CACNA1A: variants seen among roughly 807,000 people sequenced by gnomAD.
CACNA1A encodes voltage-dependent P/Q-type calcium channel subunit alpha-1A.
Under a neutral mutation model 262.4 loss-of-function variants are expected in CACNA1A, and 57 were observed. The ratio of observed to expected loss-of-function variants is 0.22; its 90% CI spans 0.18 to 0.27. CACNA1A has a LOEUF of 0.27. CACNA1A is among the 10% of genes least tolerant of loss of function. The probability of loss-of-function intolerance (pLI) is 1.00; values close to 1 mark genes in which losing one functional copy is unlikely to be tolerated. For missense variants in CACNA1A, 2,526 were observed against 3,562.8 expected, an observed-to-expected ratio of 0.71 and a Z score of 7.41; for synonymous variants, 1,431 against 1,419.3, an observed-to-expected ratio of 1.01 and a Z score of -0.18.
At chr19:13,447,835 C>T (rs1451875863) in intron 3 of CACNA1A, among the ~76,000 whole-genome samples, 6 of 152,206 alleles carry the variant, frequency 3.9e-5, no homozygotes, top group East Asian at 1.9e-4. Context: ...TTTCCAACTT[C>T]TTCTGCCTGC....
At chr19:13,257,760 G>A (rs1450600735) in intron 27 of CACNA1A, 1 of 410,494 alleles carries the variant, frequency 2.4e-6, no homozygotes, top group African/African-American at 2.0e-5. Context: ...TTTTTGAGAT[G>A]GAGTTTCGCT....
chr19:13,316,935 C>A, intron 11 of CACNA1A, 177 bp downstream of exon 11: 1 of 533,450 alleles, frequency 1.9e-6, no homozygotes, highest in Admixed American at 3.2e-5. Context: ...GAGATGGGTT[C>A]CATTGTCATA....
At chr19:13,492,689 G>A (rs1389945050) in intron 1 of CACNA1A, among the ~76,000 whole-genome samples, 1 of 151,778 alleles carries the variant, frequency 6.6e-6, no homozygotes, top group Non-Finnish European at 1.5e-5. Context: ...TAGGTATATC[G>A]GGGGGAAAAA....
chr19:13,241,388 G>A lies in CACNA1A; in HGVS notation c.4950+3794C>T. ...GGGGCGGGAGGACAGACAGACAGAG[G>A]AGAGCGGAGGGTTGAGGAGAGCGTC... On this transcript the variant is annotated intron_variant, in intron 31 of 46. Coordinates refer to ENST00000360228, the MANE Select transcript of CACNA1A (RefSeq NM_001127222.2). The surrounding 1 kb of genome is among the most constrained non-coding windows in gnomAD (Gnocchi z 4.0). 1.4e-6 allele frequency: 1 copy of A among 706,002 alleles called. No homozygotes were observed. Among genetic ancestry groups the A allele is most frequent in the Admixed American group, 2.0e-5 (1 of 49,804 alleles). 43.7% of individuals were successfully genotyped at this position (706,002 alleles called of 1,614,324 possible).
At chr19:13,431,390 G>T (rs1239159073) in intron 3 of CACNA1A, among the ~76,000 whole-genome samples, 1 of 152,052 alleles carries the variant, frequency 6.6e-6, no homozygotes, top group African/African-American at 2.4e-5. Context: ...TTGGATGCAG[G>T]GGGTGGAGAA....
Position 13,214,137 on chromosome 19 carries a change from T to C in CACNA1A, c.5940+96A>G. 1.0e-6 allele frequency: 1 copy of C among 997,702 alleles called. No individual in the cohort carries two copies. The allele number at this position is 997,702 out of a possible 1,614,324, so 61.8% of individuals were successfully genotyped here. A position where few individuals can be genotyped will look rare whatever the true frequency, so the allele number is the denominator to read the frequency against. On this transcript the variant is annotated intron_variant, in intron 40 of 46. Transcript: ENST00000360228. The surrounding 1 kb of genome is among the most constrained non-coding windows in gnomAD (Gnocchi z 4.1). Reference sequence around the variant, plus strand: ...GCCCCTACTTTTCAGGGACCTGCCCTGGGGCTCAGCCACCCTCATATTCCA... The same window carrying C: ...GCCCCTACTTTTCAGGGACCTGCCCCGGGGCTCAGCCACCCTCATATTCCA...
intron 2 of CACNA1A, 131 bp from the exon 3 acceptor site, chr19:13,453,146 C>T (rs2060945557): frequency 3.5e-6 from 3 of 856,482 alleles, no homozygotes; most frequent in Non-Finnish European, 5.5e-6. Flanking sequence ...CTCACCACCC[C>T]TCACTGCCTC....
chr19:13,283,495 C>T, intron 21 of CACNA1A, 99 bp from the exon 22 acceptor site: 1 of 1,473,416 alleles, frequency 6.8e-7, no homozygotes, highest in South Asian at 1.3e-5. Flanking sequence ...ACTGAGATCT[C>T]CAACCCCCAA....
At position 13,365,561 on chromosome 19, in the gene CACNA1A, AG is replaced by A. The variant is rs1232487372; in HGVS notation, c.632-93del. On this transcript the variant is annotated intron_variant, in intron 4 of 46. Transcript: ENST00000360228. ...CGCCCAGGTCTCTCCCAGACAAAGC[AG>A]GTGTGTTCCTGAGGGAACATTAAGC... The A allele has an allele frequency of 5.0e-6, 6 of 1,200,758 alleles. No individual in the cohort carries two copies. In the African/African-American group the frequency reaches 7.7e-5, roughly 15 times the overall value. 74.4% of individuals were successfully genotyped at this position (1,200,758 alleles called of 1,614,324 possible). A position where few individuals can be genotyped will look rare whatever the true frequency, so the allele number is the denominator to read the frequency against.
chr19:13,491,632 A>G (rs1980892254), intron 1 of CACNA1A, among the ~76,000 whole-genome samples: 1 of 152,050 alleles, frequency 6.6e-6, no homozygotes, highest in Non-Finnish European at 1.5e-5. Context: ...AAGCTTGGAG[A>G]GCTTGCACTA....
chr19:13,212,322 A>T lies in CACNA1A; in HGVS notation c.6189+62T>A. The T allele has an allele frequency of 1.3e-6, 2 of 1,593,894 alleles. No individual in the cohort carries two copies. The highest frequency in any genetic ancestry group is 1.7e-6 in the Non-Finnish European group (2 of 1,164,136). Reference sequence around the variant, plus strand: ...AGGTGTGTGTGTGTGGGGGGCCCAGATCCCTTCCACCTGAACCACCCGGGC... The same window carrying T: ...AGGTGTGTGTGTGTGGGGGGCCCAGTTCCCTTCCACCTGAACCACCCGGGC... On this transcript the variant is annotated intron_variant, in intron 42 of 46. Transcript: ENST00000360228. The surrounding 1 kb of genome is among the most constrained non-coding windows in gnomAD (Gnocchi z 5.6).
Position 13,391,211 on chromosome 19 carries a change from A to G in CACNA1A, c.540-19432T>C, listed in dbSNP as rs545318043. 3.9e-5 allele frequency among the ~76,000 whole-genome samples: 6 copies of G among 152,266 alleles called. No individual in the cohort carries two copies. The East Asian group carries it at 9.7e-4, about 25-fold the overall frequency. ...CAATTGCATCTTTATTTGAACAAAT[A>G]TCTTAGTTTTCATGTAATCATGTCT... On this transcript the variant is annotated intron_variant, in intron 3 of 46. Coordinates refer to ENST00000360228, the MANE Select transcript of CACNA1A (RefSeq NM_001127222.2).
chr19:13,254,265 G>T (rs756395736), intron 29 of CACNA1A, among the ~76,000 whole-genome samples: 2 of 152,122 alleles, frequency 1.3e-5, no homozygotes, highest in Non-Finnish European at 2.9e-5. Context: ...CCAAAGCACA[G>T]GGTGAAAGGT....
intron 3 of CACNA1A, among the ~76,000 whole-genome samples, chr19:13,399,114 T>C (rs1160893068): frequency 1.3e-5 from 2 of 152,140 alleles, no homozygotes; most frequent in Non-Finnish European, 2.9e-5. Context: ...CATTGAGACC[T>C]GGAACTTAGA....
chr19:13,248,948 T>C (rs2056324714), intron 30 of CACNA1A, among the ~76,000 whole-genome samples: 1 of 152,152 alleles, frequency 6.6e-6, no homozygotes, highest in African/African-American at 2.4e-5. Flanking sequence ...ATCATTTAAT[T>C]TTAAGAAATT....
Position 13,506,133 on chromosome 19 carries a change from C to T in CACNA1A, c.92G>A (p.Arg31Gln). The T allele has an allele frequency of 6.3e-7, 1 of 1,593,386 alleles. No individual in the cohort carries two copies. The highest frequency in any genetic ancestry group is 8.5e-7 in the Non-Finnish European group (1 of 1,170,240). The change falls in exon 1 of 47, where the codon CGA becomes CAA. Residue 31 changes from arginine (R) to glutamine (Q), a missense_variant. Around this residue, in one of 17 missense-constraint regions of CACNA1A, gnomAD observed 65 missense variants for 75.6 expected, o/e 0.86. Transcript: ENST00000360228. ...GCCCTGCCGGCTGCCCCCGGCTCCTCGCCCGCCTCCGCTGCCCACGACCAC... is the reference window on the plus strand; with the variant it reads ...GCCCTGCCGGCTGCCCCCGGCTCCTTGCCCGCCTCCGCTGCCCACGACCAC... ...AGVVVGSGGG[R>Q]GAGGSRQGGQ...
At chr19:13,501,485 G>A (rs1408035245) in intron 1 of CACNA1A, among the ~76,000 whole-genome samples, 1 of 151,988 alleles carries the variant, frequency 6.6e-6, no homozygotes, top group Non-Finnish European at 1.5e-5. Context: ...CTATAAACCT[G>A]ATTTTTAAGG....
intron 3 of CACNA1A, among the ~76,000 whole-genome samples, chr19:13,382,864 G>A (rs142761274): frequency 3.9e-5 from 6 of 152,152 alleles, no homozygotes; most frequent in Non-Finnish European, 7.4e-5. Context: ...GCATCCCAGC[G>A]GTTGGCAGTT....
At position 13,318,549 on chromosome 19, in the gene CACNA1A, G is replaced by A. The variant is rs117286755; in HGVS notation, c.1346-1228C>T. 8.5e-5 allele frequency among the ~76,000 whole-genome samples: 13 copies of A among 152,272 alleles called. No homozygotes were observed. In the East Asian group the frequency reaches 1.7e-3, roughly 20 times the overall value. ...CCTCTGGCTGCCGAGTGGGAGAGTAGACAGTGAGAGGTGAGGACGGGAGCT... is the reference window on the plus strand; with the variant it reads ...CCTCTGGCTGCCGAGTGGGAGAGTAAACAGTGAGAGGTGAGGACGGGAGCT... On this transcript the variant is annotated intron_variant, in intron 10 of 46. Coordinates refer to ENST00000360228, the MANE Select transcript of CACNA1A (RefSeq NM_001127222.2).
Sources: gnomAD v4.1 joint callset for allele counts (sites outside exome capture counted in the v4.1 genomes callset) on GRCh38, gnomAD v4.1.1 for gene constraint, gnomAD v4.1.1 regional missense constraint, Gnocchi (gnomAD v3.1) non-coding constraint, MANE v1.5 for transcripts, NCBI Gene and HGNC (gene_info 2026-07-23, HGNC 2026-07-21) for gene names.